The following ARHGAP44 variants were observed in gnomAD, a reference collection of about 807,000 sequenced individuals.
The protein encoded by ARHGAP44 is rho GTPase-activating protein 44.
In ARHGAP44, 43 loss-of-function variants were observed where a neutral mutation model predicts 106.8. The ratio of observed to expected loss-of-function variants is 0.40; its 90% CI spans 0.32 to 0.52. The LOEUF is 0.52. Ranked by LOEUF, ARHGAP44 falls within the 20% of genes least tolerant of loss-of-function variation. The pLI is 0.48. For synonymous variants in ARHGAP44, 439 were observed against 410.3 expected (o/e 1.07, Z -0.85); for missense variants, 866 against 1,050.5 (o/e 0.82, Z 2.43).
At chr17:12,977,522 T>C (rs1451019923) in intron 18 of ARHGAP44, among the ~76,000 whole-genome samples, 28 of 152,156 alleles carry the variant, frequency 1.8e-4, no homozygotes, top group Admixed American at 1.8e-3. Context: ...TTAGCATGAA[T>C]GCTAACCCCA....
intron 7 of ARHGAP44, among the ~76,000 whole-genome samples, chr17:12,935,790 T>C (rs1192196591): frequency 6.6e-6 from 1 of 152,098 alleles, no homozygotes; most frequent in Non-Finnish European, 1.5e-5. Flanking sequence ...GAATTTCTTC[T>C]AGAATGTTAA....
intron 1 of ARHGAP44, among the ~76,000 whole-genome samples, chr17:12,852,004 G>A (rs1597940994): frequency 6.6e-6 from 1 of 151,192 alleles, no homozygotes; most frequent in Non-Finnish European, 1.5e-5. Context: ...GGTTTGAAGG[G>A]TTTAGGAATG....
intron 8 of ARHGAP44, among the ~76,000 whole-genome samples, chr17:12,941,910 A>G (rs2038720861): frequency 6.6e-6 from 1 of 152,238 alleles, no homozygotes; most frequent in African/African-American, 2.4e-5. Flanking sequence ...GCTAAGACCT[A>G]AAAGCTCTTG....
chr17:12,846,679 A>T (rs1453569145), intron 1 of ARHGAP44, among the ~76,000 whole-genome samples: 1 of 152,252 alleles, frequency 6.6e-6, no homozygotes, highest in Non-Finnish European at 1.5e-5. Flanking sequence ...AAAACCTGAG[A>T]CATCTTCAAA....
At chr17:12,851,191 T>C (rs970642676) in intron 1 of ARHGAP44, among the ~76,000 whole-genome samples, 2 of 152,228 alleles carry the variant, frequency 1.3e-5, no homozygotes, top group East Asian at 1.9e-4. Context: ...ACGTAAAGGC[T>C]GGCACCTCCG....
Position 12,816,555 on chromosome 17 carries a change from A to G in ARHGAP44, c.53+26664A>G, listed in dbSNP as rs187679038. Reference sequence around the variant, plus strand: ...ACTAAAAAATTACTGCAAATGAATAATTAGAATTATTAAGAGTTTAGCAAG... The same window carrying G: ...ACTAAAAAATTACTGCAAATGAATAGTTAGAATTATTAAGAGTTTAGCAAG... On this transcript the variant is annotated intron_variant, in intron 1 of 20. Transcript: ENST00000379672. 5.9e-3 allele frequency among the ~76,000 whole-genome samples: 901 copies of G among 152,280 alleles called. 14 individuals are homozygous for G. Among genetic ancestry groups the G allele is most frequent in the African/African-American group, 0.021 (863 of 41,522 alleles).
In ARHGAP44 at chr17:12,841,585, G is replaced by GTCTCTCTCTGTC. The variant is rs1555546065; in HGVS notation, c.53+51703_53+51704insGTCTCTCTCTCT. On this transcript the variant is annotated intron_variant, in intron 1 of 20. Coordinates refer to ENST00000379672, the MANE Select transcript of ARHGAP44 (RefSeq NM_014859.6). ...CAACAGAGTGAGACCCTGTCTCTCT[G>GTCTCTCTCTGTC]TCTCTCTCTCACACACACACACACA... 3.3e-3 allele frequency among the ~76,000 whole-genome samples: 410 copies of GTCTCTCTCTGTC among 123,224 alleles called. 8 individuals are homozygous for GTCTCTCTCTGTC. The highest frequency in any genetic ancestry group is 0.014 in the African/African-American group (383 of 27,938). The allele number at this position is 123,224 out of a possible 152,430, so 80.8% of individuals were successfully genotyped here.
rs140951406 is a variant in ARHGAP44, at chr17:12,807,767, C to A, written c.53+17876C>A. 6.2e-3 allele frequency among the ~76,000 whole-genome samples: 939 copies of A among 152,286 alleles called. 15 individuals carry two copies. Among genetic ancestry groups the A allele is most frequent in the African/African-American group, 0.022 (894 of 41,570 alleles). Reference sequence around the variant, plus strand: ...CCCTGACCCCTCCCAAATCTCATGTCCTCACATTTCAAAACCAACCATGCC... The same window carrying A: ...CCCTGACCCCTCCCAAATCTCATGTACTCACATTTCAAAACCAACCATGCC... On this transcript the variant is annotated intron_variant, in intron 1 of 20. Transcript: ENST00000379672.
chr17:12,800,525 T>C (rs1051114857), intron 1 of ARHGAP44, among the ~76,000 whole-genome samples: 2 of 152,104 alleles, frequency 1.3e-5, no homozygotes, highest in East Asian at 3.9e-4. Context: ...TAAATGAGGA[T>C]GTGAGAAGTT....
chr17:12,877,109 C>T (rs187091084), intron 1 of ARHGAP44, among the ~76,000 whole-genome samples: 3 of 152,134 alleles, frequency 2.0e-5, no homozygotes, highest in Admixed American at 6.5e-5. Flanking sequence ...GTAATAAGAC[C>T]GTCTCTGCAT....
intron 7 of ARHGAP44, among the ~76,000 whole-genome samples, chr17:12,938,230 G>A (rs1331254891): frequency 5.9e-5 from 9 of 152,152 alleles, no homozygotes; most frequent in Non-Finnish European, 1.3e-4. Context: ...GTTTCTAGAT[G>A]AGAAGAGTTA....
intron 1 of ARHGAP44, among the ~76,000 whole-genome samples, chr17:12,827,295 T>TTTCA (rs2034949224): frequency 6.6e-6 from 1 of 152,202 alleles, no homozygotes; most frequent in South Asian, 2.1e-4. Flanking sequence ...TTTCACTGCT[T>TTTCA]TTCACATCCT....
chr17:12,973,956 C>T, intron 17 of ARHGAP44, 133 bp from the exon 18 acceptor site: 1 of 975,690 alleles, frequency 1.0e-6, no homozygotes, highest in Non-Finnish European at 1.6e-6. Flanking sequence ...CAATGCATCG[C>T]TTCCCGGGCC....
chr17:12,851,604 T>A (rs1220321884), intron 1 of ARHGAP44, among the ~76,000 whole-genome samples: 1 of 152,126 alleles, frequency 6.6e-6, no homozygotes, highest in East Asian at 1.9e-4. Flanking sequence ...CCAGCTAAGT[T>A]GGTATTTTTA....
At chr17:12,884,740 A>G (rs1049452573) in intron 1 of ARHGAP44, among the ~76,000 whole-genome samples, 1 of 152,046 alleles carries the variant, frequency 6.6e-6, no homozygotes, top group African/African-American at 2.4e-5. Flanking sequence ...TTCCGTCCCT[A>G]TGACTTAGCT....
chr17:12,892,815 A>C (rs2037087954), intron 1 of ARHGAP44, among the ~76,000 whole-genome samples: 1 of 146,280 alleles, frequency 6.8e-6, no homozygotes, highest in Non-Finnish European at 1.5e-5. Flanking sequence ...TGTCAATTAG[A>C]TTGTTGTATT....
At chr17:12,982,293 G>GGCACACTTA (rs1409637841) in intron 19 of ARHGAP44, among the ~76,000 whole-genome samples, 1 of 150,080 alleles carries the variant, frequency 6.7e-6, no homozygotes, top group African/African-American at 2.5e-5. Flanking sequence ...GCCCACAGAT[G>GGCACACTTA]GCACACTTAG....
intron 19 of ARHGAP44, among the ~76,000 whole-genome samples, chr17:12,983,281 A>AG (rs1201279294): frequency 2.0e-5 from 3 of 148,966 alleles, no homozygotes; most frequent in Admixed American, 2.0e-4. Context: ...AAAAAAAAAA[A>AG]AAAAAGGAAT....
At chr17:12,918,929 G>T (rs2037993638) in intron 5 of ARHGAP44, among the ~76,000 whole-genome samples, 1 of 152,198 alleles carries the variant, frequency 6.6e-6, no homozygotes, top group Non-Finnish European at 1.5e-5. Flanking sequence ...GCTTGATGGA[G>T]AGCCTGGCTG....
Sources: allele counts gnomAD v4.1 joint callset (sites outside exome capture counted in the v4.1 genomes callset), GRCh38; gene constraint gnomAD v4.1.1; transcripts MANE v1.5; gene names NCBI Gene and HGNC (gene_info 2026-07-23, HGNC 2026-07-21).